RBBP5: variants seen among roughly 807,000 people sequenced by gnomAD.
RBBP5 encodes retinoblastoma-binding protein 5.
Under a neutral mutation model 72.2 loss-of-function variants are expected in RBBP5, and 5 were observed. That is an observed-to-expected ratio of 0.07 (90% CI 0.04 to 0.15). The LOEUF (loss-of-function observed/expected upper bound fraction) is 0.15, where lower values mean the gene tolerates loss of function less well. Among genes scored for constraint, RBBP5 ranks in the 10% least tolerant of loss-of-function variants. The pLI, the probability that RBBP5 is intolerant of heterozygous loss-of-function variation, is 1.00. For missense variants in RBBP5, 322 were observed against 652.2 expected (o/e 0.49, Z 5.51); for synonymous variants, 209 against 237.2 (o/e 0.88, Z 1.09).
At chr1:205,093,489 T>A (rs1558570291) in intron 13 of RBBP5, among the ~76,000 whole-genome samples, 238 of 4,544 alleles carry the variant, frequency 0.052, 47 homozygotes, top group East Asian at 0.41. Flanking sequence ...AATATATATA[T>A]ATATATATAT....
At chr1:205,102,333 G>A (rs1416773736) in intron 5 of RBBP5, among the ~76,000 whole-genome samples, 3 of 152,194 alleles carry the variant, frequency 2.0e-5, no homozygotes. Context: ...TTGAGAAGAA[G>A]GAGAAAGATT....
intron 5 of RBBP5, among the ~76,000 whole-genome samples, chr1:205,102,182 C>T (rs193122265): frequency 3.9e-5 from 6 of 152,308 alleles, no homozygotes; most frequent in Non-Finnish European, 7.4e-5. Flanking sequence ...AGGCATTCAC[C>T]ACCACGCCTG....
chr1:205,092,773 G>A (rs1302687761), intron 13 of RBBP5, among the ~76,000 whole-genome samples: 2 of 149,934 alleles, frequency 1.3e-5, no homozygotes, highest in Non-Finnish European at 3.0e-5. Context: ...ACATAGATGG[G>A]GTCTCACCAT....
At chr1:205,094,721 G>T in intron 13 of RBBP5, 152 bp downstream of exon 13, 1 of 852,996 alleles carries the variant, frequency 1.2e-6, no homozygotes, top group Non-Finnish European at 1.8e-6. Context: ...GGTTTAGCCT[G>T]CCCTTAGCAG....
Position 205,088,681 on chromosome 1 carries a change from G to T in RBBP5, c.*106C>A. The T allele has an allele frequency of 8.4e-7, 1 of 1,189,520 alleles. No individual in the cohort carries two copies. The highest frequency in any genetic ancestry group is 1.2e-6 in the Non-Finnish European group (1 of 831,062). 73.7% of individuals were successfully genotyped at this position (1,189,520 alleles called of 1,614,324 possible). A position where few individuals can be genotyped will look rare whatever the true frequency, so the allele number is the denominator to read the frequency against. On this transcript the variant is annotated 3_prime_UTR_variant, in exon 14 of 14. Transcript: ENST00000264515. ...CACCCTCCCACCTCCTGGGTGGGAG[G>T]CACAGGCCTTTGTTTTAAATTAAAG... is the stretch of plus-strand genomic sequence containing the variant.
chr1:205,121,914 A>C lies in RBBP5; in HGVS notation c.-41T>G, dbSNP rs183141342. ...CCGCCCGGTCTCAGCTCCGGCAACA[A>C]CACCTTCTCCCCGGCCGGCTTCAGC... On this transcript the variant is annotated 5_prime_UTR_variant, in exon 1 of 14. Transcript: ENST00000264515. 749 of 1,607,344 alleles carry C rather than the reference A, an allele frequency of 4.7e-4. No individual in the cohort carries two copies. Among genetic ancestry groups the C allele is most frequent in the Non-Finnish European group, 5.7e-4 (677 of 1,179,824 alleles).
chr1:205,106,314 G>C (rs933486826), intron 3 of RBBP5, among the ~76,000 whole-genome samples: 1 of 152,192 alleles, frequency 6.6e-6, no homozygotes, highest in African/African-American at 2.4e-5. Context: ...ACATCTATAG[G>C]ACGGGCGCAA....
intron 13 of RBBP5, among the ~76,000 whole-genome samples, chr1:205,092,250 T>G (rs1655376655): frequency 6.6e-6 from 1 of 152,250 alleles, no homozygotes; most frequent in South Asian, 2.1e-4. Flanking sequence ...CCAGATGTAA[T>G]CCTTCTGTGG....
Position 205,118,644 on chromosome 1 carries a change from AAAG to A in RBBP5, c.20-2764_20-2762del, listed in dbSNP as rs1037957520. On this transcript the variant is annotated intron_variant, in intron 1 of 13. Coordinates refer to ENST00000264515, the MANE Select transcript of RBBP5 (RefSeq NM_005057.4). ...TCTAAAGAAAAAAGAAAAGAAAAGA[AAAG>A]AAAAGAAACTATCAGAGAACACTGA... 1.8e-3 allele frequency among the ~76,000 whole-genome samples: 276 copies of A among 152,264 alleles called. 1 individual carries two copies. Among genetic ancestry groups the A allele is most frequent in the African/African-American group, 6.3e-3 (260 of 41,570 alleles).
intron 2 of RBBP5, 117 bp downstream of exon 2, chr1:205,115,741 A>T: frequency 7.8e-7 from 1 of 1,289,440 alleles, no homozygotes; most frequent in Non-Finnish European, 1.0e-6. Flanking sequence ...CATAAGATAT[A>T]TTATCACACT....
At position 205,100,077 on chromosome 1, in the gene RBBP5, G is replaced by A. The variant is rs756670662; in HGVS notation, c.753-13C>T. On this transcript the variant is annotated splice_polypyrimidine_tract_variant and intron_variant, in intron 7 of 13. Coordinates refer to ENST00000264515, the MANE Select transcript of RBBP5 (RefSeq NM_005057.4). ...CTTCCATGGGGTCCTAAAGGACAAGGAAAGTACCAAGGAGAGCTGGAACTC... is the reference window on the plus strand; with the variant it reads ...CTTCCATGGGGTCCTAAAGGACAAGAAAAGTACCAAGGAGAGCTGGAACTC... 5.0e-5 allele frequency: 81 copies of A among 1,613,652 alleles called. No individual in the cohort carries two copies. The highest frequency in any genetic ancestry group is 6.7e-5 in the Admixed American group (4 of 59,990).
chr1:205,119,665 C>T (rs1656662197), intron 1 of RBBP5, among the ~76,000 whole-genome samples: 1 of 152,192 alleles, frequency 6.6e-6, no homozygotes, highest in Non-Finnish European at 1.5e-5. Flanking sequence ...CATTCTCAGC[C>T]CTCAGACTCA....
At position 205,086,706 on chromosome 1, in the gene RBBP5, ACT is replaced by A. The variant is rs1354685542; in HGVS notation, c.*2079_*2080del. 1.3e-5 allele frequency: 2 copies of A among 152,232 alleles called. No individual in the cohort carries two copies. The highest frequency in any genetic ancestry group is 4.8e-5 in the African/African-American group (2 of 41,456). 9.4% of individuals were successfully genotyped at this position (152,232 alleles called of 1,614,324 possible). The stretch of plus-strand genomic sequence containing the variant: ...AAAACATAAATAATTATTAGGAGCT[ACT>A]GCCAGAGACAATCTGACAGGGCTGA... On this transcript the variant is annotated 3_prime_UTR_variant, in exon 14 of 14. Transcript: ENST00000264515.
intron 3 of RBBP5, among the ~76,000 whole-genome samples, chr1:205,113,413 C>T (rs73081267): frequency 0.1 from 15,312 of 151,394 alleles, 1,422 homozygotes; most frequent in African/African-American, 0.24. Context: ...CCTAAGTAGC[C>T]AGGACTACAG....
chr1:205,094,370 A>C (rs892423855), intron 13 of RBBP5, among the ~76,000 whole-genome samples: 2 of 152,224 alleles, frequency 1.3e-5, no homozygotes, highest in East Asian at 1.9e-4. Context: ...AGAAAGCACT[A>C]CCTGTGGGAT....
chr1:205,120,917 T>C (rs1346601589), intron 1 of RBBP5, among the ~76,000 whole-genome samples: 1 of 152,136 alleles, frequency 6.6e-6, no homozygotes, highest in African/African-American at 2.4e-5. Context: ...TGGTAATGAC[T>C]CTTTCAGGCC....
intron 3 of RBBP5, among the ~76,000 whole-genome samples, chr1:205,107,015 T>C (rs1277450229): frequency 6.6e-6 from 1 of 151,218 alleles, no homozygotes; most frequent in South Asian, 2.1e-4. Context: ...ACCATAGACA[T>C]ATATATATAT....
intron 3 of RBBP5, among the ~76,000 whole-genome samples, chr1:205,108,356 T>C (rs959558062): frequency 1.4e-4 from 22 of 152,186 alleles, no homozygotes; most frequent in African/African-American, 5.1e-4. Flanking sequence ...AAGACAATTA[T>C]ATTACACACA....
intron 6 of RBBP5, among the ~76,000 whole-genome samples, chr1:205,100,723 G>T (rs1655786487): frequency 6.6e-6 from 1 of 152,134 alleles, no homozygotes; most frequent in Non-Finnish European, 1.5e-5. Flanking sequence ...CTTTCTTGCA[G>T]ACTTCACTGA....
Sources: gnomAD v4.1 joint callset for allele counts (sites outside exome capture counted in the v4.1 genomes callset) on GRCh38, gnomAD v4.1.1 for gene constraint, MANE v1.5 for transcripts, NCBI Gene and HGNC (gene_info 2026-07-23, HGNC 2026-07-21) for gene names.